ZNF221: variants seen among roughly 807,000 people sequenced by gnomAD.
The protein encoded by ZNF221 is zinc finger protein 221.
ZNF221 carries 10 observed loss-of-function variants against 12.6 expected under a neutral mutation model. The ratio of observed to expected loss-of-function variants is 0.79; its 90% CI spans 0.49 to 1.34. The LOEUF (loss-of-function observed/expected upper bound fraction) is 1.34, where lower values mean the gene tolerates loss of function less well. ZNF221 is among the 40% of genes most tolerant of loss of function. The pLI is 0.00. For synonymous variants in ZNF221, 232 were observed against 244.0 expected (o/e 0.95, Z 0.46); for missense variants, 661 against 721.4 (o/e 0.92, Z 0.96).
chr19:43,964,987 C>T lies in ZNF221; in HGVS notation c.119C>T (p.Thr40Ile). ...VTFKDVAVVFTEEELGLLDPA... is the reference protein window; with the variant it reads ...VTFKDVAVVFIEEELGLLDPA... ...TTCAAGGATGTGGCTGTGGTCTTCA[C>T]TGAGGAGGAGCTGGGGCTGCTGGAC... Residue 40 changes from threonine to isoleucine, a missense_variant, in exon 3 of 5, where the codon ACT becomes ATT. Physicochemically the swap from Thr to Ile is moderately conservative, Grantham distance 89. Coordinates refer to ENST00000587682, the MANE Select transcript of ZNF221 (RefSeq NM_001297588.2). The T allele has an allele frequency of 2.5e-6, 4 of 1,614,112 alleles. No homozygotes were observed. The highest frequency in any genetic ancestry group is 3.4e-6 in the Non-Finnish European group (4 of 1,180,016).
At chr19:43,974,039 G>A in the ZNF221 span, among the ~76,000 whole-genome samples, 3 of 152,074 alleles carry the variant, frequency 2.0e-5, no homozygotes, top group Admixed American at 2.0e-4. Flanking sequence ...GCATAGTACT[G>A]GAACAAAAAC....
intron 1 of ZNF221, among the ~76,000 whole-genome samples, chr19:43,957,412 A>G (rs1974775130): frequency 6.6e-6 from 1 of 152,146 alleles, no homozygotes; most frequent in Admixed American, 6.5e-5. Context: ...ACCTCAGGTG[A>G]TCTACCCACC....
the ZNF221 span, among the ~76,000 whole-genome samples, chr19:43,980,995 C>A: frequency 6.6e-6 from 1 of 152,046 alleles, no homozygotes; most frequent in South Asian, 2.1e-4. Context: ...AGTAAATCAG[C>A]ACTTTACAAG....
rs1371131702 is a variant in ZNF221 at position 43,966,121 on chromosome 19, T to G, written c.619T>G (p.Phe207Val). Residue 207 changes from phenylalanine (F) to valine (V), a missense_variant, in exon 5 of 5, where the codon TTC (phenylalanine) becomes GTC (valine). Coordinates refer to ENST00000587682, the MANE Select transcript of ZNF221 (RefSeq NM_001297588.2). ...TACATGTGGTGAGTGTGGAAAAAGC[T>G]TCTGTTACAGCCCAGCCCTTCATAT... ...SHTCGECGKS[F>V]CYSPALHIHQ... 3 of 1,614,112 alleles carry G rather than the reference T, an allele frequency of 1.9e-6. No homozygotes were observed. The highest frequency in any genetic ancestry group is 2.5e-6 in the Non-Finnish European group (3 of 1,180,046).
At position 43,966,048 on chromosome 19, in the gene ZNF221, T is replaced by G; in HGVS notation, c.546T>G (p.Val182=). 6.2e-7 allele frequency: 1 copy of G among 1,614,256 alleles called. No individual in the cohort carries two copies. ...AATGTAAACAGTCCTTCAGTGATGT[T>G]TCTGTCTTTGATCTTCATCAACAAT... The part of the protein sequence containing the change: ...CNECKQSFSD[V]SVFDLHQQSH... Residue 182 remains valine (V), a synonymous_variant, in exon 5 of 5, where the codon GTT becomes GTG. Transcript: ENST00000587682.
downstream of ZNF221, among the ~76,000 whole-genome samples, chr19:43,968,826 C>T (rs964459279): frequency 1.3e-5 from 2 of 152,170 alleles, no homozygotes; most frequent in East Asian, 1.9e-4. Flanking sequence ...AGTGATTGTG[C>T]GACCCTGCGC....
chr19:43,962,612 T>C (rs1297844042), intron 1 of ZNF221, 113 bp from the exon 2 acceptor site: 5 of 1,041,708 alleles, frequency 4.8e-6, no homozygotes, highest in Non-Finnish European at 7.4e-6. Context: ...GGGTTATGAG[T>C]AATGCTGCTA....
the ZNF221 span, among the ~76,000 whole-genome samples, chr19:43,979,894 G>C: frequency 6.6e-6 from 1 of 152,244 alleles, no homozygotes; most frequent in Non-Finnish European, 1.5e-5. Context: ...TTTATTTCCA[G>C]TGGAAAATAG....
chr19:43,970,599 C>T (rs1021141063), downstream of ZNF221, among the ~76,000 whole-genome samples: 1 of 152,140 alleles, frequency 6.6e-6, no homozygotes, highest in African/African-American at 2.4e-5. Context: ...AAAAACACAA[C>T]ACAAGAACTT....
chr19:43,966,525 T>C lies in ZNF221; in HGVS notation c.1023T>C (p.Asp341=). Residue 341 remains aspartate (D), a synonymous_variant, in exon 5 of 5, where the codon GAT becomes GAC. Transcript: ENST00000587682. ...CAGGAGAAAAACCATTCAGATGTGA[T>C]ACATGTGGCAAGAACTTTCGTCAGA... ...VHTGEKPFRC[D]TCGKNFRQRS... 1 of 1,614,142 alleles carries C rather than the reference T, an allele frequency of 6.2e-7. No individual in the cohort carries two copies. The highest frequency in any genetic ancestry group is 8.5e-7 in the Non-Finnish European group (1 of 1,180,016).
At chr19:43,974,949 C>T in the ZNF221 span, among the ~76,000 whole-genome samples, 81 of 151,706 alleles carry the variant, frequency 5.3e-4, no homozygotes, top group East Asian at 2.9e-3. Context: ...TTGGTTGAAC[C>T]GGAGGCAGAG....
At position 43,962,725 on chromosome 19, in the gene ZNF221, G is replaced by A. The variant is rs373675846; in HGVS notation, c.-2G>A. 2.2e-5 allele frequency: 36 copies of A among 1,613,812 alleles called. No homozygotes were observed. The highest frequency in any genetic ancestry group is 3.0e-5 in the Non-Finnish European group (35 of 1,179,854). On this transcript the variant is annotated splice_region_variant and 5_prime_UTR_variant, in exon 2 of 5. Coordinates refer to ENST00000587682, the MANE Select transcript of ZNF221 (RefSeq NM_001297588.2). ...TTCTGCCTTTCCTGGCACTTTCCAG[G>A]CATGATTTCACCTTCACTTGAACTG...
chr19:43,955,744 C>T (rs1268342845), intron 1 of ZNF221, among the ~76,000 whole-genome samples: 1 of 152,138 alleles, frequency 6.6e-6, no homozygotes, highest in Non-Finnish European at 1.5e-5. Context: ...ATGTTTTTAC[C>T]TTCTTTGATC....
At chr19:43,974,839 C>T in the ZNF221 span, among the ~76,000 whole-genome samples, 10 of 152,032 alleles carry the variant, frequency 6.6e-5, no homozygotes, top group East Asian at 1.9e-4. Context: ...GCCAACATGG[C>T]GAAACGAACC....
Position 43,965,800 on chromosome 19 carries a change from T to G in ZNF221, c.302-4T>G. 1.3e-5 allele frequency: 21 copies of G among 1,576,666 alleles called. No individual in the cohort carries two copies. The highest frequency in any genetic ancestry group is 1.7e-5 in the Non-Finnish European group (20 of 1,161,486). On this transcript the variant is annotated splice_polypyrimidine_tract_variant and splice_region_variant and intron_variant, in intron 4 of 4. Transcript: ENST00000587682. ...CCACATATATTAATTCTGTGTCTTT[T>G]TAGGAGGCAAGATCCAAATTGAGAT...
At position 43,958,160 on chromosome 19, in the gene ZNF221, G is replaced by A. The variant is rs1266549887; in HGVS notation, c.-2-4565G>A. Among the ~76,000 whole-genome samples, 3 of 152,178 alleles carry A rather than the reference G, an allele frequency of 2.0e-5. No homozygotes were observed. The East Asian group carries it at 5.8e-4, about 29-fold the overall frequency. On this transcript the variant is annotated intron_variant, in intron 1 of 4. Transcript: ENST00000587682. The stretch of plus-strand genomic sequence containing the variant: ...TTTTACAATTTGGCCCAGTTAAACA[G>A]GTTAAAATCCATCTGGATGTGTACA...
chr19:43,962,860 T>G, intron 2 of ZNF221, 53 bp downstream of exon 2: 1 of 1,535,716 alleles, frequency 6.5e-7, no homozygotes, highest in South Asian at 1.2e-5. Flanking sequence ...CTACTCATAT[T>G]GTCACATTTT....
chr19:43,966,923 G>A lies in ZNF221; in HGVS notation c.1421G>A (p.Gly474Asp), dbSNP rs757407031. Residue 474 changes from glycine to aspartate, a missense_variant, in exon 5 of 5, where the codon GGT (glycine) becomes GAT (aspartate). Gly to Asp is a moderately conservative substitution (Grantham distance 94). Transcript: ENST00000587682. ...GAGTTTCACCAGAGGGTCCACACGG[G>A]TGAGAGACCCTATAATTGTAAGGAA... ...DLEFHQRVHT[G>D]ERPYNCKECG... 6 of 1,614,248 alleles carry A rather than the reference G, an allele frequency of 3.7e-6. No individual in the cohort carries two copies. Among genetic ancestry groups the A allele is most frequent in the East Asian group, 4.5e-5 (2 of 44,890 alleles).
chr19:43,968,282 A>G (rs898536510), downstream of ZNF221, among the ~76,000 whole-genome samples: 2 of 152,240 alleles, frequency 1.3e-5, no homozygotes, highest in Admixed American at 6.5e-5. Flanking sequence ...AAGTTTGGCA[A>G]TTATAGTTAT....
Sources: gnomAD v4.1 joint callset for allele counts (sites outside exome capture counted in the v4.1 genomes callset) on GRCh38, gnomAD v4.1.1 for gene constraint, MANE v1.5 for transcripts, NCBI Gene and HGNC (gene_info 2026-07-23, HGNC 2026-07-21) for gene names.